ZFP91: variants seen among roughly 807,000 people sequenced by gnomAD.
ZFP91 encodes the protein ZFP91 zinc finger protein, atypical E3 ubiquitin ligase, also known as E3 ubiquitin-protein ligase ZFP91.
A neutral mutation model predicts 63.5 loss-of-function variants in ZFP91; 7 were observed. The observed-to-expected ratio is 0.11, with a 90% CI of 0.06 to 0.21. The LOEUF (loss-of-function observed/expected upper bound fraction) is 0.21, where lower values mean the gene tolerates loss of function less well. ZFP91 is among the 10% of genes least tolerant of loss of function. ZFP91 has a pLI of 1.00. For missense variants in ZFP91, 628 were observed against 736.6 expected (o/e 0.85, Z 1.71); for synonymous variants, 330 against 272.1 (o/e 1.21, Z -2.10).
In ZFP91 at chr11:58,579,140, C is replaced by A. The variant is rs1346551423; in HGVS notation, c.-142C>A. ...TGGGGGGGGCGCCCTCGGAGCCGGG[C>A]GGAGGGGAGGGGGGAAAGAGGAGCG... On this transcript the variant is annotated 5_prime_UTR_variant, in exon 1 of 11. Transcript: ENST00000316059. 91 of 537,614 alleles carry A rather than the reference C, an allele frequency of 1.7e-4. No homozygotes were observed. Among genetic ancestry groups the A allele is most frequent in the Non-Finnish European group, 2.2e-4 (88 of 403,194 alleles). 33.3% of individuals were successfully genotyped at this position (537,614 alleles called of 1,614,324 possible).
intron 3 of ZFP91, 119 bp from the exon 4 acceptor site, chr11:58,610,179 G>T: frequency 7.1e-7 from 1 of 1,415,388 alleles, no homozygotes; most frequent in Admixed American, 1.9e-5. Context: ...ACAGTTTGCA[G>T]ATATTCTGCT....
intron 2 of ZFP91, among the ~76,000 whole-genome samples, chr11:58,592,004 T>C (rs1287596466): frequency 6.6e-6 from 1 of 152,086 alleles, no homozygotes; most frequent in Non-Finnish European, 1.5e-5. Context: ...GTAAGTATTG[T>C]TTTCAGGAAA....
chr11:58,592,687 A>G (rs775504443), intron 2 of ZFP91, among the ~76,000 whole-genome samples: 1 of 152,176 alleles, frequency 6.6e-6, no homozygotes, highest in Non-Finnish European at 1.5e-5. Flanking sequence ...AAAAGGGGAG[A>G]TGGAGATGAA....
At chr11:58,599,300 T>C (rs1000394194) in intron 2 of ZFP91, among the ~76,000 whole-genome samples, 1 of 150,612 alleles carries the variant, frequency 6.6e-6, no homozygotes, top group Admixed American at 6.6e-5. Flanking sequence ...GAATAGCTGT[T>C]TTCAATTTTT....
chr11:58,598,749 C>T (rs1256017667), intron 2 of ZFP91, among the ~76,000 whole-genome samples: 5 of 120,814 alleles, frequency 4.1e-5, no homozygotes, highest in African/African-American at 1.3e-4. Flanking sequence ...CTTTTGTGCA[C>T]GTGTGTGTGT....
At chr11:58,591,608 C>G (rs1855307309) in intron 2 of ZFP91, among the ~76,000 whole-genome samples, 2 of 152,172 alleles carry the variant, frequency 1.3e-5, no homozygotes, top group Admixed American at 1.3e-4. Flanking sequence ...ATTCTCACCC[C>G]CAACCCTAGG....
At chr11:58,603,011 T>A (rs2134410075) in intron 2 of ZFP91, among the ~76,000 whole-genome samples, 1 of 152,218 alleles carries the variant, frequency 6.6e-6, no homozygotes, top group South Asian at 2.1e-4. Flanking sequence ...CAGCGTAGAT[T>A]GCCTTGAAGA....
intron 2 of ZFP91, among the ~76,000 whole-genome samples, chr11:58,596,822 A>C (rs528979686): frequency 1.3e-5 from 2 of 151,928 alleles, no homozygotes; most frequent in African/African-American, 4.8e-5. Flanking sequence ...GGAATTTTCT[A>C]TAACGATGGC....
chr11:58,590,672 T>C (rs1371403815), intron 2 of ZFP91, among the ~76,000 whole-genome samples: 2 of 152,250 alleles, frequency 1.3e-5, no homozygotes, highest in Non-Finnish European at 2.9e-5. Flanking sequence ...CAATGTTTTG[T>C]ACTTTTCAGT....
chr11:58,581,569 C>G (rs530950446), intron 1 of ZFP91, among the ~76,000 whole-genome samples: 1 of 152,236 alleles, frequency 6.6e-6, no homozygotes, highest in South Asian at 2.1e-4. Flanking sequence ...CCATATTGGC[C>G]GGGTTGGTCT....
chr11:58,591,207 T>G (rs1002787437), intron 2 of ZFP91, among the ~76,000 whole-genome samples: 2 of 152,216 alleles, frequency 1.3e-5, no homozygotes, highest in Admixed American at 1.3e-4. Context: ...TTTTTGAATT[T>G]TACATAAATG....
At position 58,611,684 on chromosome 11, in the gene ZFP91, T is replaced by C; in HGVS notation, c.803T>C (p.Val268Ala). The change falls in exon 6 of 11, where the codon GTG becomes GCG. Residue 268 changes from valine (V) to alanine (A), a missense_variant. Physicochemically the swap from Val to Ala is moderately conservative, Grantham distance 64 (BLOSUM62 0). This residue lies in a region of ZFP91 where 437 missense variants were observed against 380.3 expected (regional missense o/e 1.15). Transcript: ENST00000316059. ...EKKEIKVEVEVEVKEEENEIR... is the reference protein window; with the variant it reads ...EKKEIKVEVEAEVKEEENEIR... ...AAGGAAATTAAAGTGGAAGTAGAGG[T>C]GGAGGTGAAAGAAGAGGAGAATGAA... 1 of 1,610,370 alleles carries C rather than the reference T, an allele frequency of 6.2e-7. No individual in the cohort carries two copies. Among genetic ancestry groups the C allele is most frequent in the Non-Finnish European group, 8.5e-7 (1 of 1,178,138 alleles).
At chr11:58,605,466 A>G (rs1253803362) in intron 2 of ZFP91, among the ~76,000 whole-genome samples, 1 of 152,156 alleles carries the variant, frequency 6.6e-6, no homozygotes, top group Admixed American at 6.5e-5. Flanking sequence ...GGGCAGATCT[A>G]CTAGTGATAA....
chr11:58,604,655 T>C (rs1855542000), intron 2 of ZFP91, among the ~76,000 whole-genome samples: 1 of 152,248 alleles, frequency 6.6e-6, no homozygotes, highest in Non-Finnish European at 1.5e-5. Flanking sequence ...CACTATGGCC[T>C]GCAGTCTGAA....
chr11:58,608,828 C>T (rs751765690), intron 2 of ZFP91, among the ~76,000 whole-genome samples: 4 of 152,170 alleles, frequency 2.6e-5, no homozygotes, highest in Non-Finnish European at 2.9e-5. Context: ...TGGTCACAAA[C>T]GCCTGACCTT....
chr11:58,614,369 T>C, intron 9 of ZFP91, 26 bp downstream of exon 9: 1 of 1,526,174 alleles, frequency 6.6e-7, no homozygotes, highest in Non-Finnish European at 9.0e-7. Context: ...GTTTATCAAG[T>C]AGGTAATTGC....
At chr11:58,616,402 A>G (rs552143848) in intron 9 of ZFP91, among the ~76,000 whole-genome samples, 61 of 152,204 alleles carry the variant, frequency 4.0e-4, no homozygotes, top group African/African-American at 1.5e-3. Flanking sequence ...ATAGTTGTTT[A>G]CTTGCTAACC....
In ZFP91 at chr11:58,617,070, T is replaced by TTGTGTG. The variant is rs143676081; in HGVS notation, c.1203-102_1203-97dup. ...TTCAAAAGAAGTATGTTACTGATTATTGTGTGTGTGTGTGTGTGTGTGTGT... is the reference window on the plus strand; with the variant it reads ...TTCAAAAGAAGTATGTTACTGATTATTGTGTGTGTGTGTGTGTGTGTGTGTGTGTGT... On this transcript the variant is annotated intron_variant, in intron 10 of 10. Coordinates refer to ENST00000316059, the MANE Select transcript of ZFP91 (RefSeq NM_053023.5). This position sits in a 1 kb window ranked among gnomAD's most constrained non-coding sequence, Gnocchi z 4.2. 0.021 allele frequency: 15,516 copies of TTGTGTG among 737,208 alleles called. 100 individuals are homozygous for TTGTGTG. Among genetic ancestry groups the TTGTGTG allele is most frequent in the African/African-American group, 0.048 (2,626 of 54,886 alleles). The allele number at this position is 737,208 out of a possible 1,614,324, so 45.7% of individuals were successfully genotyped here.
rs766050822 is a variant in ZFP91 at position 58,617,355 on chromosome 11, T to A, written c.1362T>A (p.Pro454=). ...SVVAHKAKSH[P]EVLIAEALAA... ...TGGCACACAAGGCAAAAAGCCACCC[T>A]GAGGTGCTGATTGCAGAAGCTCTGG... Residue 454 remains proline, a synonymous_variant, in exon 11 of 11, where the codon CCT becomes CCA. Coordinates refer to ENST00000316059, the MANE Select transcript of ZFP91 (RefSeq NM_053023.5). This position sits in a 1 kb window ranked among gnomAD's most constrained non-coding sequence, Gnocchi z 4.2. The A allele has an allele frequency of 3.5e-5, 57 of 1,613,886 alleles. No individual in the cohort carries two copies. Among genetic ancestry groups the A allele is most frequent in the Non-Finnish European group, 4.7e-5 (56 of 1,179,948 alleles).
Sources: gnomAD v4.1 joint callset for allele counts (sites outside exome capture counted in the v4.1 genomes callset) on GRCh38, gnomAD v4.1.1 for gene constraint, gnomAD v4.1.1 regional missense constraint, Gnocchi (gnomAD v3.1) non-coding constraint, MANE v1.5 for transcripts, NCBI Gene and HGNC (gene_info 2026-07-23, HGNC 2026-07-21) for gene names.